Variants in CRISPLD2 observed in about 807,000 individuals in gnomAD.
CRISPLD2 encodes cysteine-rich secretory protein LCCL domain-containing 2.
Under a neutral mutation model 71.1 loss-of-function variants are expected in CRISPLD2, and 47 were observed. The ratio of observed to expected loss-of-function variants is 0.66; its 90% confidence interval spans 0.52 to 0.84. The LOEUF (loss-of-function observed/expected upper bound fraction) is 0.84, where lower values mean the gene tolerates loss of function less well. Among genes scored for constraint, CRISPLD2 ranks in the 40% least tolerant of loss-of-function variants. CRISPLD2 has a pLI of 0.00. For synonymous variants in CRISPLD2, 317 were observed against 250.1 expected, an observed-to-expected ratio of 1.27 and a Z score of -2.52; for missense variants, 830 against 651.1, an observed-to-expected ratio of 1.27 and a Z score of -2.99.
intron 14 of CRISPLD2, among the ~76,000 whole-genome samples, chr16:84,905,252 C>A (rs1028049177): frequency 2.6e-5 from 4 of 152,168 alleles, no homozygotes; most frequent in African/African-American, 9.7e-5. Context: ...TGGTGACAGA[C>A]CTTGTGTCTA....
chr16:84,860,580 A>G (rs931600621), intron 6 of CRISPLD2, among the ~76,000 whole-genome samples: 4 of 152,184 alleles, frequency 2.6e-5, no homozygotes, highest in Admixed American at 2.0e-4. Flanking sequence ...CAAAGGTGGA[A>G]AGGCTGACCG....
intron 13 of CRISPLD2, among the ~76,000 whole-genome samples, chr16:84,882,572 T>A (rs548953706): frequency 2.2e-4 from 34 of 152,158 alleles, no homozygotes; most frequent in African/African-American, 8.2e-4. Flanking sequence ...ACCCAGCTAA[T>A]TTTTGTATTT....
chr16:84,901,749 A>T, intron 14 of CRISPLD2, among the ~76,000 whole-genome samples: 1 of 132,204 alleles, frequency 7.6e-6, no homozygotes. Context: ...AAATGTTGGG[A>T]TTATAGGCGT....
chr16:84,872,433 C>T lies in CRISPLD2; in HGVS notation c.915-9C>T. On this transcript the variant is annotated splice_polypyrimidine_tract_variant and intron_variant, in intron 8 of 14. Coordinates refer to ENST00000262424, the MANE Select transcript of CRISPLD2 (RefSeq NM_031476.4). ...ATCTCTGAACATCATTTTATTTCTT[C>T]CTCGTCAGGTACCAGTGCCCAGCAG... 1.2e-6 allele frequency: 2 copies of T among 1,612,132 alleles called. No individual in the cohort carries two copies. The highest frequency in any genetic ancestry group is 1.7e-4 in the Middle Eastern group (1 of 6,058).
chr16:84,887,126 C>T (rs545188997), intron 13 of CRISPLD2, among the ~76,000 whole-genome samples: 1 of 152,186 alleles, frequency 6.6e-6, no homozygotes, highest in Non-Finnish European at 1.5e-5. Context: ...GTGGCTGGGA[C>T]TTCATCTTCT....
intron 14 of CRISPLD2, among the ~76,000 whole-genome samples, chr16:84,900,373 T>C (rs965426809): frequency 2.0e-5 from 3 of 152,096 alleles, no homozygotes; most frequent in African/African-American, 4.8e-5. Context: ...CTCTCTTTGT[T>C]TGGAGCGGAG....
intron 14 of CRISPLD2, among the ~76,000 whole-genome samples, chr16:84,895,695 G>T (rs1404923471): frequency 1.3e-5 from 2 of 152,156 alleles, no homozygotes; most frequent in Non-Finnish European, 2.9e-5. Flanking sequence ...CTCACCACTT[G>T]TGCATACCCA....
At chr16:84,894,186 C>T (rs1023152960) in intron 14 of CRISPLD2, among the ~76,000 whole-genome samples, 2 of 152,160 alleles carry the variant, frequency 1.3e-5, no homozygotes, top group African/African-American at 2.4e-5. Flanking sequence ...TGCTCTCTCA[C>T]CCCTGCCCAC....
intron 14 of CRISPLD2, among the ~76,000 whole-genome samples, chr16:84,900,016 G>A (rs761380157): frequency 2.6e-5 from 4 of 152,156 alleles, no homozygotes; most frequent in Admixed American, 6.5e-5. Flanking sequence ...CAAGGCCTGA[G>A]GAGGGCCCTG....
rs56328159 is a variant in CRISPLD2 at position 84,871,870 on chromosome 16, GAAAAAAA to G, written c.915-549_915-543del. Among the ~76,000 whole-genome samples, 363 of 100,046 alleles carry G rather than the reference GAAAAAAA, an allele frequency of 3.6e-3. 11 individuals are homozygous for G. Among genetic ancestry groups the G allele is most frequent in the East Asian group, 0.022 (77 of 3,578 alleles). 65.6% of individuals were successfully genotyped at this position (100,046 alleles called of 152,430 possible). On this transcript the variant is annotated intron_variant, in intron 8 of 14. Transcript: ENST00000262424. ...CCTGGCCTTGTTTTTTTTCAAATGAGAAAAAAAAAAAAAAAAAAAAAAAAAAAAAGAC... is the reference window on the plus strand; with the variant it reads ...CCTGGCCTTGTTTTTTTTCAAATGAGAAAAAAAAAAAAAAAAAAAAAAGAC...
At chr16:84,861,833 G>T (rs185242956) in intron 6 of CRISPLD2, among the ~76,000 whole-genome samples, 3 of 152,194 alleles carry the variant, frequency 2.0e-5, no homozygotes, top group Admixed American at 2.0e-4. Context: ...GGGAGGCTTA[G>T]ATGGGAAGAT....
At chr16:84,882,371 A>AAAAAAAAAAAAT (rs368239840) in intron 13 of CRISPLD2, among the ~76,000 whole-genome samples, 1 of 114,184 alleles carries the variant, frequency 8.8e-6, no homozygotes. Flanking sequence ...AAAAAAAAAA[A>AAAAAAAAAAAAT]GCAAGAACTT....
chr16:84,874,353 A>G (rs1449407310), intron 11 of CRISPLD2, among the ~76,000 whole-genome samples: 1 of 152,250 alleles, frequency 6.6e-6, no homozygotes, highest in East Asian at 1.9e-4. Flanking sequence ...AGAGCTTGAT[A>G]GATTAGTAAT....
chr16:84,855,126 A>G (rs1461841685), intron 6 of CRISPLD2, among the ~76,000 whole-genome samples: 1 of 151,822 alleles, frequency 6.6e-6, no homozygotes, highest in Non-Finnish European at 1.5e-5. Flanking sequence ...CGCACTGCTC[A>G]CCCTCGTTAG....
intron 14 of CRISPLD2, among the ~76,000 whole-genome samples, chr16:84,899,507 A>G (rs981368036): frequency 6.6e-6 from 1 of 152,200 alleles, no homozygotes; most frequent in Non-Finnish European, 1.5e-5. Flanking sequence ...AACTGGGGAC[A>G]CTGAAGGTGG....
intron 11 of CRISPLD2, among the ~76,000 whole-genome samples, chr16:84,877,017 A>C (rs1413332062): frequency 6.6e-6 from 1 of 152,178 alleles, no homozygotes; most frequent in Non-Finnish European, 1.5e-5. Context: ...TAGAGCAGGC[A>C]CTGGAAAGCT....
rs4553617 is a variant in CRISPLD2 at position 84,907,479 on chromosome 16, C to G, written c.*837C>G. The G allele has an allele frequency of 6.6e-6, 1 of 152,264 alleles. No individual in the cohort carries two copies. The highest frequency in any genetic ancestry group is 2.4e-5 in the African/African-American group (1 of 41,456). The allele number at this position is 152,264 out of a possible 1,614,324, so 9.4% of individuals were successfully genotyped here. On this transcript the variant is annotated 3_prime_UTR_variant, in exon 15 of 15. Coordinates refer to ENST00000262424, the MANE Select transcript of CRISPLD2 (RefSeq NM_031476.4). ...ACCCGTTGTGGCTCCCACCCTGCCT[C>G]GGACTGGTTTACGTGTCCTGGTTCA...
chr16:84,873,762 A>G (rs2071494955), intron 10 of CRISPLD2, among the ~76,000 whole-genome samples, 158 bp from the exon 11 acceptor site: 2 of 152,188 alleles, frequency 1.3e-5, no homozygotes, highest in South Asian at 4.1e-4. Flanking sequence ...GCCCTGGTCT[A>G]GAACATTCTA....
At chr16:84,822,293 G>T (rs1414308480) in intron 1 of CRISPLD2, among the ~76,000 whole-genome samples, 2 of 152,224 alleles carry the variant, frequency 1.3e-5, no homozygotes, top group Non-Finnish European at 2.9e-5. Context: ...AGACTGCGAG[G>T]TCTCTTAAAA....
Sources: gnomAD v4.1 joint callset for allele counts (sites outside exome capture counted in the v4.1 genomes callset) on GRCh38, gnomAD v4.1.1 for gene constraint, MANE v1.5 for transcripts, NCBI Gene and HGNC (gene_info 2026-07-23, HGNC 2026-07-21) for gene names.